SYT1: variants seen among roughly 807,000 people sequenced by gnomAD.
SYT1 encodes the protein synaptotagmin-1.
SYT1 carries 8 observed loss-of-function variants against 44.8 expected under a neutral mutation model. The ratio of observed to expected loss-of-function variants is 0.18; its 90% CI spans 0.10 to 0.32. The LOEUF (loss-of-function observed/expected upper bound fraction) is 0.32, where lower values mean the gene tolerates loss of function less well. Among genes scored for constraint, SYT1 ranks in the 10% least tolerant of loss-of-function variants. SYT1 has a pLI of 1.00. For synonymous variants in SYT1, 154 were observed against 188.8 expected (o/e 0.82, Z 1.51); for missense variants, 286 against 509.3 (o/e 0.56, Z 4.22).
intron 3 of SYT1, among the ~76,000 whole-genome samples, chr12:79,185,363 C>A (rs1951083489): frequency 6.6e-6 from 1 of 151,864 alleles, no homozygotes; most frequent in African/African-American, 2.4e-5. Context: ...TCTTCACCTC[C>A]ATCAGGCACT....
At chr12:78,890,925 T>C (rs1254325916) in intron 1 of SYT1, among the ~76,000 whole-genome samples, 2 of 151,942 alleles carry the variant, frequency 1.3e-5, no homozygotes, top group African/African-American at 2.4e-5. Context: ...AATTATGCCA[T>C]AGAACTATGC....
chr12:79,241,046 G>A (rs537985226), intron 4 of SYT1, among the ~76,000 whole-genome samples: 31 of 152,130 alleles, frequency 2.0e-4, no homozygotes, highest in Admixed American at 1.2e-3. Context: ...GGTGGCACAT[G>A]CCTTTAGTCC....
Position 79,135,120 on chromosome 12 carries a change from T to C in SYT1, c.-17-82383T>C, listed in dbSNP as rs558059019. 3.9e-5 allele frequency among the ~76,000 whole-genome samples: 6 copies of C among 152,300 alleles called. No homozygotes were observed. In the South Asian group the frequency reaches 1.2e-3, roughly 32 times the overall value. ...TGCATATACTTTTTTATTATTATTA[T>C]ACTTTAAGTTTTAGGGTACATGTGC... On this transcript the variant is annotated intron_variant, in intron 3 of 10. Transcript: ENST00000261205.
intron 9 of SYT1, among the ~76,000 whole-genome samples, chr12:79,411,679 G>A (rs1431146113): frequency 1.3e-5 from 2 of 152,072 alleles, no homozygotes; most frequent in East Asian, 3.9e-4. Context: ...ATTTTGAAAT[G>A]TAGATAATTA....
intron 5 of SYT1, among the ~76,000 whole-genome samples, chr12:79,288,349 G>C (rs1326598271): frequency 6.6e-6 from 1 of 152,076 alleles, no homozygotes; most frequent in Non-Finnish European, 1.5e-5. Context: ...AGAAAATAAA[G>C]ATGGCTTATG....
At chr12:79,190,162 T>G (rs1303885435) in intron 3 of SYT1, among the ~76,000 whole-genome samples, 1 of 152,192 alleles carries the variant, frequency 6.6e-6, no homozygotes, top group Non-Finnish European at 1.5e-5. Flanking sequence ...ATATCTGATT[T>G]ATATTTCTTC....
At chr12:79,431,159 T>C (rs1230877856) in intron 9 of SYT1, among the ~76,000 whole-genome samples, 2 of 152,218 alleles carry the variant, frequency 1.3e-5, no homozygotes, top group African/African-American at 4.8e-5. Context: ...CTAGCATTTG[T>C]TCCTCTGGAT....
At chr12:79,422,350 T>C (rs1203459085) in intron 9 of SYT1, among the ~76,000 whole-genome samples, 1 of 151,950 alleles carries the variant, frequency 6.6e-6, no homozygotes, top group Non-Finnish European at 1.5e-5. Flanking sequence ...TCTTTTAAGG[T>C]TGATTGGTTT....
chr12:79,033,771 A>G (rs1410018795), intron 2 of SYT1, among the ~76,000 whole-genome samples: 1 of 151,496 alleles, frequency 6.6e-6, no homozygotes, highest in Non-Finnish European at 1.5e-5. Context: ...AATGCTGTCC[A>G]TTTAAAAGGA....
At position 78,882,681 on chromosome 12, in the gene SYT1, C is replaced by T. The variant is rs535090874; in HGVS notation, c.-217+17572C>T. ...AGTTTGAAAATATTGAAAACTTAAA[C>T]GATTTTAAAGAAGAAATATATTTAT... On this transcript the variant is annotated intron_variant, in intron 1 of 10. Transcript: ENST00000261205. Among the ~76,000 whole-genome samples the T allele has an allele frequency of 7.3e-5, 11 of 151,582 alleles. No homozygotes were observed. The South Asian group carries it at 8.3e-4, about 11-fold the overall frequency.
intron 9 of SYT1, among the ~76,000 whole-genome samples, chr12:79,385,344 A>T (rs186936247): frequency 9.7e-4 from 148 of 152,294 alleles, no homozygotes; most frequent in Admixed American, 2.1e-3. Flanking sequence ...TTTTTTTTCC[A>T]AACTCTACAT....
chr12:78,959,613 C>G (rs1879399848), intron 1 of SYT1, among the ~76,000 whole-genome samples: 1 of 152,040 alleles, frequency 6.6e-6, no homozygotes. Flanking sequence ...CAAGAGACAC[C>G]TAAAAAGGAA....
chr12:79,105,438 T>G (rs1878661897), intron 3 of SYT1, among the ~76,000 whole-genome samples: 1 of 151,988 alleles, frequency 6.6e-6, no homozygotes, highest in African/African-American at 2.4e-5. Context: ...GGAACTAGAG[T>G]TAAGCAGAAT....
intron 2 of SYT1, among the ~76,000 whole-genome samples, chr12:79,027,635 G>A (rs905180790): frequency 1.3e-5 from 2 of 151,286 alleles, no homozygotes; most frequent in South Asian, 2.1e-4. Flanking sequence ...ATACATACTC[G>A]AAGCCAATTT....
At chr12:79,218,608 A>G (rs1277172658) in intron 4 of SYT1, among the ~76,000 whole-genome samples, 2 of 152,178 alleles carry the variant, frequency 1.3e-5, no homozygotes, top group South Asian at 2.1e-4. Context: ...GATTTCACAT[A>G]TGAGTGAGAT....
chr12:79,246,551 G>C (rs1474040415), intron 4 of SYT1, among the ~76,000 whole-genome samples: 1 of 152,178 alleles, frequency 6.6e-6, no homozygotes, highest in Non-Finnish European at 1.5e-5. Context: ...GTCTGGATAG[G>C]GGCCTGGTCC....
intron 3 of SYT1, among the ~76,000 whole-genome samples, chr12:79,070,143 T>C (rs1876168048): frequency 6.6e-6 from 1 of 152,106 alleles, no homozygotes; most frequent in South Asian, 2.1e-4. Context: ...TATATAACCG[T>C]AGTGGATCTA....
intron 9 of SYT1, among the ~76,000 whole-genome samples, chr12:79,394,967 A>G (rs1884810931): frequency 6.6e-6 from 1 of 152,206 alleles, no homozygotes; most frequent in South Asian, 2.1e-4. Context: ...AAGTTTGAAA[A>G]CTATTTTCAC....
chr12:79,041,054 G>A (rs1237411913), intron 2 of SYT1, among the ~76,000 whole-genome samples: 11 of 152,156 alleles, frequency 7.2e-5, no homozygotes, highest in Non-Finnish European at 1.0e-4. Flanking sequence ...AAGTCAGGTA[G>A]TGTGATGCCT....
Sources: allele counts gnomAD v4.1 joint callset (sites outside exome capture counted in the v4.1 genomes callset), GRCh38; gene constraint gnomAD v4.1.1; transcripts MANE v1.5; gene names NCBI Gene and HGNC (gene_info 2026-07-23, HGNC 2026-07-21).